Variants in SH3D19 observed in about 807,000 individuals in gnomAD.
SH3D19 encodes the protein SH3 domain containing 19.
SH3D19 carries 58 observed loss-of-function variants against 112.1 expected under a neutral mutation model. That is an observed-to-expected ratio of 0.52 (90% CI 0.42 to 0.64). The LOEUF (loss-of-function observed/expected upper bound fraction) is 0.64, where lower values mean the gene tolerates loss of function less well. SH3D19 is among the 30% of genes least tolerant of loss of function. The pLI is 0.00. For missense variants in SH3D19, 1,090 were observed against 1,263.4 expected, an observed-to-expected ratio of 0.86 and a Z score of 2.08; for synonymous variants, 391 against 448.5, an observed-to-expected ratio of 0.87 and a Z score of 1.62.
At chr4:151,239,315 C>T (rs1447296141) in intron 1 of SH3D19, among the ~76,000 whole-genome samples, 2 of 152,144 alleles carry the variant, frequency 1.3e-5, no homozygotes, top group African/African-American at 2.4e-5. Context: ...AAAATAGGTA[C>T]AACATAAGTG....
chr4:151,172,567 C>T (rs1191534097), intron 7 of SH3D19, among the ~76,000 whole-genome samples: 2 of 152,150 alleles, frequency 1.3e-5, no homozygotes, highest in Non-Finnish European at 2.9e-5. Context: ...AGAGAAGTAA[C>T]AATAATAACT....
chr4:151,130,180 C>T (rs2149732710), intron 17 of SH3D19, among the ~76,000 whole-genome samples: 1 of 152,174 alleles, frequency 6.6e-6, no homozygotes, highest in East Asian at 1.9e-4. Flanking sequence ...GGTGGATCAC[C>T]CCTGTAATCC....
chr4:151,267,180 AAT>A (rs1491454596), intron 1 of SH3D19, among the ~76,000 whole-genome samples: 2,493 of 150,056 alleles, frequency 0.017, 61 homozygotes, highest in South Asian at 0.027. Flanking sequence ...AAATAAATAA[AAT>A]AAATTAGTCT....
chr4:151,124,110 C>CT (rs1313193991), intron 19 of SH3D19, among the ~76,000 whole-genome samples: 2 of 56,540 alleles, frequency 3.5e-5, no homozygotes, highest in Non-Finnish European at 7.0e-5. Flanking sequence ...AGGGCTAGGA[C>CT]TATTTTTTTT....
In SH3D19 at chr4:151,175,446, G is replaced by A. The variant is rs1759795335; in HGVS notation, c.758C>T (p.Pro253Leu). The stretch of plus-strand genomic sequence containing the variant: ...GGATGACTCCTCTCCTACGGCTGCT[G>A]GGCTGATTTTCTGTTGACTTTGCTC... ...IKEQSQQKIS[P>L]AAVGEESSPG... The change falls in exon 7 of 20, where the codon CCA becomes CTA. Residue 253 changes from proline to leucine, a missense_variant. Physicochemically the swap from Pro to Leu is moderately conservative, Grantham distance 98. Transcript: ENST00000604030. 1.3e-6 allele frequency: 2 copies of A among 1,513,380 alleles called. No individual in the cohort carries two copies. The highest frequency in any genetic ancestry group is 8.8e-7 in the Non-Finnish European group (1 of 1,135,064). The allele number at this position is 1,513,380 out of a possible 1,614,324, so 93.7% of individuals were successfully genotyped here.
chr4:151,211,168 G>T (rs1765907919), intron 2 of SH3D19, among the ~76,000 whole-genome samples: 1 of 151,990 alleles, frequency 6.6e-6, no homozygotes, highest in Non-Finnish European at 1.5e-5. Flanking sequence ...TACTCGAGAG[G>T]CTGAGGCAGG....
intron 10 of SH3D19, among the ~76,000 whole-genome samples, chr4:151,149,218 C>G (rs922327626): frequency 1.1e-4 from 16 of 151,850 alleles, no homozygotes; most frequent in African/African-American, 3.6e-4. Flanking sequence ...TGCATGTATA[C>G]GTATATTCTA....
Position 151,174,895 on chromosome 4 carries a change from G to A in SH3D19, c.1309C>T (p.Pro437Ser). 1 of 1,612,964 alleles carries A rather than the reference G, an allele frequency of 6.2e-7. No homozygotes were observed. Among genetic ancestry groups the A allele is most frequent in the Non-Finnish European group, 8.5e-7 (1 of 1,179,308 alleles). The stretch of plus-strand genomic sequence containing the variant: ...GTGACAGGTTTCAGTGGAGCTGAAG[G>A]GTAGGTGGGGTTTTCTGAGGAAACA... Reference protein sequence around the residue: ...KSVSSENPTYPSAPLKPVTVP... With the variant: ...KSVSSENPTYSSAPLKPVTVP... The change falls in exon 7 of 20, where the codon CCT becomes TCT. Residue 437 changes from proline (P) to serine (S), a missense_variant. By Grantham distance (74) the Pro-to-Ser change is moderately conservative (BLOSUM62 -1). Transcript: ENST00000604030.
chr4:151,180,445 C>T (rs1382744734), intron 3 of SH3D19, among the ~76,000 whole-genome samples: 6 of 127,846 alleles, frequency 4.7e-5, no homozygotes, highest in Non-Finnish European at 6.3e-5. Flanking sequence ...CTCGCTCTGT[C>T]GCCCAGGCTG....
chr4:151,280,221 G>A (rs182913938), intron 1 of SH3D19, among the ~76,000 whole-genome samples: 865 of 53,054 alleles, frequency 0.016, 10 homozygotes, highest in African/African-American at 0.032. Flanking sequence ...GATTTTTGTC[G>A]TGTTTTTGGG....
At position 151,190,806 on chromosome 4, in the gene SH3D19, A is replaced by G. The variant is rs568464753; in HGVS notation, c.153-3343T>C. On this transcript the variant is annotated intron_variant, in intron 2 of 19. Transcript: ENST00000604030. ...ATGTGGGGTCGGAGCCCCAACACAG[A>G]GTCCCTACTGGGGCATCGCCTAGTG... 5.9e-5 allele frequency among the ~76,000 whole-genome samples: 9 copies of G among 152,340 alleles called. No individual in the cohort carries two copies. In the East Asian group the frequency reaches 1.7e-3, roughly 29 times the overall value.
At chr4:151,255,769 A>G (rs1771848213) in intron 1 of SH3D19, among the ~76,000 whole-genome samples, 1 of 152,258 alleles carries the variant, frequency 6.6e-6, no homozygotes, top group African/African-American at 2.4e-5. Context: ...CTCCGTCTGC[A>G]ATCCAGGCAC....
intron 1 of SH3D19, among the ~76,000 whole-genome samples, chr4:151,311,712 T>C (rs982875899): frequency 3.3e-5 from 5 of 151,940 alleles, no homozygotes; most frequent in African/African-American, 9.7e-5. Flanking sequence ...GCAGGGCATG[T>C]CCCTGCAGTC....
chr4:151,172,914 G>T (rs17027329), intron 7 of SH3D19, among the ~76,000 whole-genome samples: 3,402 of 152,264 alleles, frequency 0.022, 57 homozygotes, highest in Middle Eastern at 0.034. Context: ...TAACCCCATA[G>T]TCCAGAGCAA....
At chr4:151,214,468 C>T (rs1561356054) in intron 2 of SH3D19, among the ~76,000 whole-genome samples, 2 of 96,492 alleles carry the variant, frequency 2.1e-5, no homozygotes, top group African/African-American at 3.1e-5. Flanking sequence ...GGGCTGACCC[C>T]CCACCTCCCT....
At chr4:151,264,107 CCA>C (rs1772585541) in intron 1 of SH3D19, among the ~76,000 whole-genome samples, 2 of 152,232 alleles carry the variant, frequency 1.3e-5, no homozygotes, top group East Asian at 3.9e-4. Context: ...GCCTGGCCAG[CCA>C]CAGTCTTTTT....
chr4:151,176,535 T>C lies in SH3D19; in HGVS notation c.528A>G (p.Gln176=), dbSNP rs1759987859. 1 of 1,232,178 alleles carries C rather than the reference T, an allele frequency of 8.1e-7. No individual in the cohort carries two copies. 76.3% of individuals were successfully genotyped at this position (1,232,178 alleles called of 1,614,324 possible). A position where few individuals can be genotyped will look rare whatever the true frequency, so the allele number is the denominator to read the frequency against. Residue 176 remains glutamine (Q), a splice_region_variant and synonymous_variant, in exon 6 of 20, where the codon CAA becomes CAG. Transcript: ENST00000604030. ...GGGAAGACAAATTACTTGCATTACT[T>C]TGAGGCAGATCGTTGTCTATTTCTT... ...FSEEIDNDLP[Q]TLQAPLKPLQ...
intron 1 of SH3D19, among the ~76,000 whole-genome samples, chr4:151,250,880 ATACGTCGT>A (rs1771324665): frequency 6.6e-6 from 1 of 152,176 alleles, no homozygotes; most frequent in Non-Finnish European, 1.5e-5. Context: ...GTTTGGCTGG[ATACGTCGT>A]TAGCTGAGGA....
intron 1 of SH3D19, among the ~76,000 whole-genome samples, chr4:151,307,088 G>A (rs1339474342): frequency 6.8e-6 from 1 of 146,608 alleles, no homozygotes; most frequent in African/African-American, 2.5e-5. Flanking sequence ...GCGGGATCTC[G>A]GCTCACTGCA....
Sources: allele counts gnomAD v4.1 joint callset (sites outside exome capture counted in the v4.1 genomes callset), GRCh38; gene constraint gnomAD v4.1.1; transcripts MANE v1.5; gene names NCBI Gene and HGNC (gene_info 2026-07-23, HGNC 2026-07-21).